The following PAX5 variants were observed in gnomAD, a reference collection of about 807,000 sequenced individuals.
The protein encoded by PAX5 is paired box protein Pax-5.
In PAX5, 9 loss-of-function variants were observed where a neutral mutation model predicts 43.7. The observed-to-expected ratio is 0.21, with a 90% CI of 0.12 to 0.36. The LOEUF is 0.36. PAX5 is among the 10% of genes least tolerant of loss of function. The pLI is 1.00. For synonymous variants in PAX5, 228 were observed against 214.3 expected (o/e 1.06, Z -0.56); for missense variants, 383 against 532.7 (o/e 0.72, Z 2.77).
At chr9:36,955,620 C>T (rs760898343) in intron 6 of PAX5, among the ~76,000 whole-genome samples, 6 of 151,964 alleles carry the variant, frequency 3.9e-5, no homozygotes, top group Non-Finnish European at 8.8e-5. Context: ...TTTGTCTCAA[C>T]ATCAGCATCA....
chr9:36,948,210 C>T (rs948707467), intron 6 of PAX5, among the ~76,000 whole-genome samples: 1 of 152,328 alleles, frequency 6.6e-6, no homozygotes, highest in Admixed American at 6.5e-5. Context: ...ACCAGGGACT[C>T]CAGAGCTCTG....
intron 2 of PAX5, among the ~76,000 whole-genome samples, chr9:37,020,365 T>A (rs1039688906): frequency 6.6e-6 from 1 of 152,104 alleles, no homozygotes; most frequent in Non-Finnish European, 1.5e-5. Flanking sequence ...CCCAAGAACG[T>A]CTTACTCTTG....
At chr9:37,031,052 A>T (rs1840932456) in intron 1 of PAX5, among the ~76,000 whole-genome samples, 1 of 152,278 alleles carries the variant, frequency 6.6e-6, no homozygotes, top group Admixed American at 6.5e-5. Flanking sequence ...AAGTGGAGGC[A>T]CAGCAGATTC....
intron 6 of PAX5, among the ~76,000 whole-genome samples, chr9:36,924,734 TGGAAGGAAGGAA>T (rs772116401): frequency 3.9e-4 from 24 of 61,304 alleles, no homozygotes; most frequent in South Asian, 3.4e-3. Flanking sequence ...AAGAAAGAGG[TGGAAGGAAGGAA>T]GGAAGGAAGG....
rs751749054 is a variant in PAX5 at position 36,840,672 on chromosome 9, C to T, written c.1100-36G>A. 5.1e-5 allele frequency: 72 copies of T among 1,406,442 alleles called. 1 individual carries two copies. In the South Asian group the frequency reaches 7.3e-4, roughly 14 times the overall value. The allele number at this position is 1,406,442 out of a possible 1,614,324, so 87.1% of individuals were successfully genotyped here. ...CGGGAGAGAGCACCGAGGTCAGATC[C>T]GGGGTCCCCTTTCCACCAGTCTCCT... On this transcript the variant is annotated intron_variant, in intron 9 of 9. Transcript: ENST00000358127.
chr9:37,014,967 C>T (rs774719877), intron 3 of PAX5, 30 bp downstream of exon 3: 1 of 1,602,794 alleles, frequency 6.2e-7, no homozygotes, highest in Non-Finnish European at 8.5e-7. Context: ...CCCTCCAAAT[C>T]CCCAACCCCC....
chr9:37,020,872 G>T, intron 1 of PAX5, 71 bp from the exon 2 acceptor site: 1 of 1,531,394 alleles, frequency 6.5e-7, no homozygotes, highest in Non-Finnish European at 9.0e-7. Context: ...AAGCACCGCT[G>T]TGAGGACCCA....
At chr9:36,878,883 A>T (rs1826151736) in intron 8 of PAX5, among the ~76,000 whole-genome samples, 2 of 152,362 alleles carry the variant, frequency 1.3e-5, no homozygotes, top group Admixed American at 6.5e-5. Flanking sequence ...GACGCCAGGC[A>T]TGGCACTGAA....
At chr9:36,925,160 C>T (rs954216664) in intron 6 of PAX5, among the ~76,000 whole-genome samples, 23 of 152,120 alleles carry the variant, frequency 1.5e-4, no homozygotes, top group African/African-American at 5.3e-4. Flanking sequence ...GAGATTACTT[C>T]CTGGGCAGCT....
At chr9:37,022,402 G>A (rs1489679464) in intron 1 of PAX5, among the ~76,000 whole-genome samples, 1 of 152,216 alleles carries the variant, frequency 6.6e-6, no homozygotes. Context: ...TTCTGGGGCT[G>A]GGAACACCTA....
At chr9:36,981,433 G>GTAAA (rs1588140012) in intron 5 of PAX5, among the ~76,000 whole-genome samples, 1 of 17,254 alleles carries the variant, frequency 5.8e-5, no homozygotes, top group South Asian at 4.6e-3. Context: ...ACTGAAACTG[G>GTAAA]CAAAAAAAAA....
chr9:36,881,509 T>C (rs1826409893), intron 8 of PAX5, among the ~76,000 whole-genome samples: 2 of 151,840 alleles, frequency 1.3e-5, no homozygotes, highest in Non-Finnish European at 2.9e-5. Flanking sequence ...CCACAGGGTG[T>C]TCAGTTTAGA....
intron 8 of PAX5, among the ~76,000 whole-genome samples, chr9:36,853,530 CAA>C (rs578218441): frequency 6.6e-6 from 1 of 152,154 alleles, no homozygotes; most frequent in Non-Finnish European, 1.5e-5. Context: ...CCTGCAAATT[CAA>C]AGTTTCTCCA....
intron 2 of PAX5, among the ~76,000 whole-genome samples, chr9:37,020,226 A>G (rs1839739228): frequency 6.6e-6 from 1 of 152,198 alleles, no homozygotes; most frequent in Non-Finnish European, 1.5e-5. Flanking sequence ...CCCAAAACTG[A>G]AAATAACAGC....
chr9:36,990,163 G>A (rs1836801152), intron 5 of PAX5, among the ~76,000 whole-genome samples: 1 of 152,150 alleles, frequency 6.6e-6, no homozygotes, highest in African/African-American at 2.4e-5. Flanking sequence ...TCTTTATTGA[G>A]CACTTATTAT....
chr9:37,011,591 C>G (rs1244436745), intron 3 of PAX5, among the ~76,000 whole-genome samples: 1 of 152,202 alleles, frequency 6.6e-6, no homozygotes, highest in African/African-American at 2.4e-5. Context: ...GGTTGTGCAG[C>G]CTCCCAGCAC....
intron 7 of PAX5, among the ~76,000 whole-genome samples, chr9:36,910,524 A>G (rs1829180176): frequency 1.3e-5 from 2 of 151,376 alleles, no homozygotes; most frequent in South Asian, 4.2e-4. Context: ...AGTTTAAAAA[A>G]CTCTATGCAA....
intron 7 of PAX5, among the ~76,000 whole-genome samples, chr9:36,907,569 G>A (rs925710542): frequency 1.3e-5 from 2 of 152,202 alleles, no homozygotes; most frequent in Non-Finnish European, 2.9e-5. Context: ...CTAGCCCTGA[G>A]GATCGGGGCT....
At chr9:36,936,736 G>C (rs77771182) in intron 6 of PAX5, among the ~76,000 whole-genome samples, 3 of 152,056 alleles carry the variant, frequency 2.0e-5, no homozygotes, top group Non-Finnish European at 2.9e-5. Flanking sequence ...AGATCAATAG[G>C]GTGGCAGGGT....
Sources: allele counts gnomAD v4.1 joint callset (sites outside exome capture counted in the v4.1 genomes callset), GRCh38; gene constraint gnomAD v4.1.1; transcripts MANE v1.5; gene names NCBI Gene and HGNC (gene_info 2026-07-23, HGNC 2026-07-21).